Variants in TTC39C observed in about 807,000 individuals in gnomAD.
The protein encoded by TTC39C is tetratricopeptide repeat domain 39C.
Under a neutral mutation model 76.3 loss-of-function variants are expected in TTC39C, and 33 were observed. The ratio of observed to expected loss-of-function variants is 0.43; its 90% confidence interval spans 0.33 to 0.58. The LOEUF (loss-of-function observed/expected upper bound fraction) is 0.58, where lower values mean the gene tolerates loss of function less well. Ranked by LOEUF, TTC39C falls within the 20% of genes least tolerant of loss-of-function variation. TTC39C has a pLI of 0.04. For synonymous variants in TTC39C, 254 were observed against 260.6 expected, an observed-to-expected ratio of 0.97 and a Z score of 0.24; for missense variants, 595 against 701.4, an observed-to-expected ratio of 0.85 and a Z score of 1.71.
chr18:24,098,777 G>T (rs1487306728), intron 6 of TTC39C, among the ~76,000 whole-genome samples: 1 of 151,388 alleles, frequency 6.6e-6, no homozygotes, highest in African/African-American at 2.4e-5. Context: ...GAGTACAGGT[G>T]CCCAACACCA....
intron 6 of TTC39C, among the ~76,000 whole-genome samples, chr18:24,088,336 T>A (rs945241087): frequency 6.6e-6 from 1 of 152,260 alleles, no homozygotes; most frequent in African/African-American, 2.4e-5. Context: ...CACATACACA[T>A]ACATGCAAAT....
Position 24,134,043 on chromosome 18 carries a change from T to C in TTC39C, c.*1469T>C, listed in dbSNP as rs191726117. 1.5e-4 allele frequency: 23 copies of C among 154,444 alleles called. No homozygotes were observed. The highest frequency in any genetic ancestry group is 5.5e-4 in the African/African-American group (23 of 41,632). The allele number at this position is 154,444 out of a possible 1,614,324, so 9.6% of individuals were successfully genotyped here. Reference sequence around the variant, plus strand: ...GAAGTTATTTCTCACTGATTTTGGCTAAACAGTATTCATATTTCTTCATCT... The same window carrying C: ...GAAGTTATTTCTCACTGATTTTGGCCAAACAGTATTCATATTTCTTCATCT... On this transcript the variant is annotated 3_prime_UTR_variant, in exon 14 of 14. Coordinates refer to ENST00000317571, the MANE Select transcript of TTC39C (RefSeq NM_001135993.2).
Position 24,046,938 on chromosome 18 carries a change from T to A in TTC39C, c.168-17202T>A, listed in dbSNP as rs56767095. Among the ~76,000 whole-genome samples, 1,140 of 151,924 alleles carry A rather than the reference T, an allele frequency of 7.5e-3. 35 individuals carry two copies. Among genetic ancestry groups the A allele is most frequent in the African/African-American group, 0.026 (1,088 of 41,182 alleles). On this transcript the variant is annotated intron_variant, in intron 1 of 13. Coordinates refer to ENST00000317571, the MANE Select transcript of TTC39C (RefSeq NM_001135993.2). Reference sequence around the variant, plus strand: ...AATAATGACTTTTGTTTCACTTAATTTAATTGACTTTTGTTACTGAAATAC... The same window carrying A: ...AATAATGACTTTTGTTTCACTTAATATAATTGACTTTTGTTACTGAAATAC...
chr18:24,129,631 A>C (rs1054163376), intron 11 of TTC39C, among the ~76,000 whole-genome samples: 18 of 151,844 alleles, frequency 1.2e-4, no homozygotes, highest in Non-Finnish European at 2.6e-4. Flanking sequence ...AAAATTAGCC[A>C]GGTGTGGTGG....
intron 10 of TTC39C, among the ~76,000 whole-genome samples, chr18:24,126,455 C>T (rs1160790729): frequency 6.8e-6 from 1 of 147,428 alleles, no homozygotes; most frequent in Non-Finnish European, 1.5e-5. Context: ...AAAAGGCCTT[C>T]CTCAAATGTG....
At chr18:24,074,040 A>G (rs2084273691) in intron 4 of TTC39C, among the ~76,000 whole-genome samples, 1 of 152,242 alleles carries the variant, frequency 6.6e-6, no homozygotes. Context: ...AGGTGCTGGT[A>G]GTCTTGAGAT....
chr18:23,997,624 A>C (rs1255106615), intron 1 of TTC39C, among the ~76,000 whole-genome samples: 3 of 146,584 alleles, frequency 2.0e-5, no homozygotes, highest in Non-Finnish European at 1.5e-5. Flanking sequence ...AAAGAAAAGA[A>C]AAGAAAGAGA....
intron 1 of TTC39C, chr18:24,001,437 T>C (rs1382480805): frequency 2.0e-5 from 3 of 152,386 alleles, no homozygotes; most frequent in Non-Finnish European, 2.9e-5. Flanking sequence ...CCAACCCTTC[T>C]GGTTGGTCTG....
rs2085167536 is a variant in TTC39C at position 24,134,172 on chromosome 18, A to G, written c.*1598A>G. On this transcript the variant is annotated 3_prime_UTR_variant, in exon 14 of 14. Transcript: ENST00000317571. ...TGGGTTTTAGATAATAGTAAGAGAGAAGAGATTGCTCTCCTATATTCAGTG... is the reference window on the plus strand; with the variant it reads ...TGGGTTTTAGATAATAGTAAGAGAGGAGAGATTGCTCTCCTATATTCAGTG... 1 of 154,138 alleles carries G rather than the reference A, an allele frequency of 6.5e-6. No individual in the cohort carries two copies. Among genetic ancestry groups the G allele is most frequent in the Admixed American group, 6.6e-5 (1 of 15,244 alleles). 9.5% of individuals were successfully genotyped at this position (154,138 alleles called of 1,614,324 possible). A position where few individuals can be genotyped will look rare whatever the true frequency, so the allele number is the denominator to read the frequency against.
rs1437556118 is a variant in TTC39C, at chr18:24,064,260, CA to C, written c.216+73del. ...TAAAGTAATGTCTGTTAGTGGCTACCAGTTGTATAGATACACTATTGTAGAA... is the reference window on the plus strand; with the variant it reads ...TAAAGTAATGTCTGTTAGTGGCTACCGTTGTATAGATACACTATTGTAGAA... On this transcript the variant is annotated intron_variant, in intron 2 of 13. Coordinates refer to ENST00000317571, the MANE Select transcript of TTC39C (RefSeq NM_001135993.2). 5 of 1,547,110 alleles carry C rather than the reference CA, an allele frequency of 3.2e-6. No homozygotes were observed. The African/African-American group carries it at 6.8e-5, about 21-fold the overall frequency.
At chr18:24,060,146 A>G (rs2084075681) in intron 1 of TTC39C, among the ~76,000 whole-genome samples, 1 of 152,120 alleles carries the variant, frequency 6.6e-6, no homozygotes, top group Non-Finnish European at 1.5e-5. Context: ...AGGAATTGCC[A>G]CACTGTCTTC....
chr18:24,098,686 G>T (rs1399922993), intron 6 of TTC39C, among the ~76,000 whole-genome samples: 2 of 151,098 alleles, frequency 1.3e-5, no homozygotes, highest in African/African-American at 4.9e-5. Context: ...AGGCTGGAGT[G>T]CAGTGGTGCG....
At position 24,134,014 on chromosome 18, in the gene TTC39C, G is replaced by C. The variant is rs2085166209; in HGVS notation, c.*1440G>C. On this transcript the variant is annotated 3_prime_UTR_variant, in exon 14 of 14. Coordinates refer to ENST00000317571, the MANE Select transcript of TTC39C (RefSeq NM_001135993.2). ...TTGAGGGAATAGTCATAATTTCTTT[G>C]AAAGAAGTTATTTCTCACTGATTTT... The C allele has an allele frequency of 6.5e-6, 1 of 153,534 alleles. No homozygotes were observed. The highest frequency in any genetic ancestry group is 1.5e-5 in the Non-Finnish European group (1 of 68,182). 9.5% of individuals were successfully genotyped at this position (153,534 alleles called of 1,614,324 possible).
intron 6 of TTC39C, chr18:24,099,113 C>CAT (rs2084644233): frequency 7.4e-6 from 1 of 134,826 alleles, no homozygotes; most frequent in South Asian, 2.3e-4. Context: ...ATATATAAAA[C>CAT]GTGTGTGTGT....
At chr18:24,059,718 A>G (rs780902455) in intron 1 of TTC39C, among the ~76,000 whole-genome samples, 2 of 152,180 alleles carry the variant, frequency 1.3e-5, no homozygotes, top group Non-Finnish European at 2.9e-5. Context: ...TTTTTTGGGT[A>G]TATACCCAGT....
chr18:24,056,092 T>C (rs1298658221), intron 1 of TTC39C, among the ~76,000 whole-genome samples: 2 of 152,192 alleles, frequency 1.3e-5, no homozygotes, highest in Admixed American at 6.5e-5. Flanking sequence ...TGTTGTCCTT[T>C]TTGCTAATTG....
chr18:24,064,183 T>A lies in TTC39C; in HGVS notation c.211T>A (p.Phe71Ile). 1 of 1,613,806 alleles carries A rather than the reference T, an allele frequency of 6.2e-7. No homozygotes were observed. The highest frequency in any genetic ancestry group is 8.5e-7 in the Non-Finnish European group (1 of 1,179,888). ...LMSFGASFVS[F>I]LNAMMTFEEE... is the part of the protein sequence containing the mutation. The stretch of plus-strand genomic sequence containing the variant: ...GAGTTTTGGAGCCAGCTTTGTCAGT[T>A]TTTTGGTAAGTTGATATCTTAAGAC... The change falls in exon 2 of 14, where the codon TTT (phenylalanine) becomes ATT (isoleucine). Residue 71 changes from phenylalanine (F) to isoleucine (I), a missense_variant. Transcript: ENST00000317571.
At chr18:24,016,497 G>C in intron 1 of TTC39C, 1 of 389,572 alleles carries the variant, frequency 2.6e-6, no homozygotes, top group Non-Finnish European at 4.5e-6. Flanking sequence ...CTTTTTAGTT[G>C]ATGATTTAGG....
intron 1 of TTC39C, among the ~76,000 whole-genome samples, chr18:24,030,648 CTT>C (rs1167104790): frequency 3.4e-4 from 30 of 89,060 alleles, no homozygotes; most frequent in African/African-American, 1.0e-3. Flanking sequence ...AAAGATAGGC[CTT>C]TTTTTTTTTT....
Sources: allele counts gnomAD v4.1 joint callset (sites outside exome capture counted in the v4.1 genomes callset), GRCh38; gene constraint gnomAD v4.1.1; transcripts MANE v1.5; gene names NCBI Gene and HGNC (gene_info 2026-07-23, HGNC 2026-07-21).